The following PRKG1 variants were observed in gnomAD, a reference collection of about 807,000 sequenced individuals.
PRKG1 encodes the protein protein kinase cGMP-dependent 1.
PRKG1 carries 35 observed loss-of-function variants against 88.1 expected under a neutral mutation model. The ratio of observed to expected loss-of-function variants is 0.40; its 90% CI spans 0.30 to 0.53. The LOEUF (loss-of-function observed/expected upper bound fraction) is 0.53. Among genes scored for constraint, PRKG1 ranks in the 20% least tolerant of loss-of-function variants. PRKG1 has a pLI of 0.59. For synonymous variants in PRKG1, 303 were observed against 292.5 expected, an observed-to-expected ratio of 1.04 and a Z score of -0.37; for missense variants, 540 against 839.8, an observed-to-expected ratio of 0.64 and a Z score of 4.41.
chr10:51,389,531 G>A (rs1837343771), intron 2 of PRKG1, among the ~76,000 whole-genome samples: 1 of 152,070 alleles, frequency 6.6e-6, no homozygotes, highest in African/African-American at 2.4e-5. Context: ...CCACTAGGGG[G>A]CATCCTGGGG....
chr10:51,995,885 C>A (rs1844426649), intron 5 of PRKG1, among the ~76,000 whole-genome samples: 1 of 152,096 alleles, frequency 6.6e-6, no homozygotes, highest in Non-Finnish European at 1.5e-5. Context: ...TAGGCGGAAG[C>A]TCCAGGACAT....
At chr10:51,127,958 A>T (rs7915110) in intron 1 of PRKG1, among the ~76,000 whole-genome samples, 65 of 151,988 alleles carry the variant, frequency 4.3e-4, no homozygotes, top group Admixed American at 3.9e-3. Flanking sequence ...AAGCCTGTTC[A>T]GGGGTGGGGG....
At chr10:51,398,343 C>G (rs959240297) in intron 2 of PRKG1, among the ~76,000 whole-genome samples, 3 of 152,144 alleles carry the variant, frequency 2.0e-5, no homozygotes, top group African/African-American at 7.2e-5. Flanking sequence ...CTGTGAGAAT[C>G]TAATGCTGCT....
At chr10:51,013,402 T>C (rs1234900630) in intron 1 of PRKG1, among the ~76,000 whole-genome samples, 1 of 152,180 alleles carries the variant, frequency 6.6e-6, no homozygotes, top group African/African-American at 2.4e-5. Context: ...GTAACACTTA[T>C]TTTTTTGAGA....
chr10:51,840,609 C>T (rs12265600), intron 4 of PRKG1, among the ~76,000 whole-genome samples: 2,722 of 151,782 alleles, frequency 0.018, 77 homozygotes, highest in African/African-American at 0.062. Flanking sequence ...TGCAGTGGCG[C>T]GACCTCAGCT....
chr10:52,227,616 T>C (rs1840420497), intron 9 of PRKG1, among the ~76,000 whole-genome samples: 1 of 152,070 alleles, frequency 6.6e-6, no homozygotes, highest in Non-Finnish European at 1.5e-5. Flanking sequence ...CCACAGGAGA[T>C]CCTGGAACTA....
intron 5 of PRKG1, among the ~76,000 whole-genome samples, chr10:52,003,363 C>G (rs1844648563): frequency 6.7e-6 from 1 of 150,188 alleles, no homozygotes; most frequent in African/African-American, 2.4e-5. Flanking sequence ...ATCTCATTAT[C>G]CTCAAATTCC....
intron 3 of PRKG1, among the ~76,000 whole-genome samples, chr10:51,515,681 C>T (rs1841559560): frequency 6.6e-6 from 1 of 152,158 alleles, no homozygotes; most frequent in African/African-American, 2.4e-5. Flanking sequence ...CCCAATTCTT[C>T]ACACACAATG....
intron 3 of PRKG1, among the ~76,000 whole-genome samples, chr10:51,635,736 A>G (rs914474747): frequency 1.3e-5 from 2 of 152,200 alleles, no homozygotes; most frequent in Non-Finnish European, 2.9e-5. Context: ...ACTCCTGCTC[A>G]TCAACTCAAC....
At chr10:51,223,321 G>T (rs1460510267) in intron 2 of PRKG1, among the ~76,000 whole-genome samples, 1 of 152,076 alleles carries the variant, frequency 6.6e-6, no homozygotes, top group Non-Finnish European at 1.5e-5. Flanking sequence ...CAAGCAATAT[G>T]TGCCAGGCAA....
chr10:51,753,948 T>C (rs1837792238), intron 3 of PRKG1, among the ~76,000 whole-genome samples: 1 of 152,128 alleles, frequency 6.6e-6, no homozygotes, highest in South Asian at 2.1e-4. Flanking sequence ...CGTTTTGTTG[T>C]TGTTCTTTTT....
intron 2 of PRKG1, among the ~76,000 whole-genome samples, chr10:51,435,563 A>T (rs528922377): frequency 1.3e-5 from 2 of 151,626 alleles, no homozygotes; most frequent in Non-Finnish European, 2.9e-5. Context: ...GTTTTGATTT[A>T]TTATACTTGG....
intron 9 of PRKG1, among the ~76,000 whole-genome samples, chr10:52,187,841 T>C (rs941742179): frequency 1.5e-4 from 23 of 152,180 alleles, no homozygotes; most frequent in Non-Finnish European, 2.2e-4. Flanking sequence ...TAAGGTATTG[T>C]CATCTGTACA....
At chr10:51,245,517 C>T (rs1353311056) in intron 2 of PRKG1, 1 of 152,070 alleles carries the variant, frequency 6.6e-6, no homozygotes, top group Non-Finnish European at 1.5e-5. Context: ...GTTGTAAATT[C>T]AGTGTGTCAA....
intron 2 of PRKG1, among the ~76,000 whole-genome samples, chr10:51,172,298 C>T (rs752898110): frequency 3.8e-4 from 58 of 152,032 alleles, no homozygotes; most frequent in Middle Eastern, 3.4e-3. Flanking sequence ...AAACTGTATT[C>T]GGGTTTAACA....
chr10:51,512,341 C>G (rs1841441689), intron 3 of PRKG1, among the ~76,000 whole-genome samples: 1 of 100,344 alleles, frequency 1.0e-5, no homozygotes, highest in Non-Finnish European at 1.9e-5. Context: ...CTATCCCTCC[C>G]CCCTCCCCCC....
At chr10:52,115,653 G>T (rs1382435058) in intron 7 of PRKG1, among the ~76,000 whole-genome samples, 1 of 152,028 alleles carries the variant, frequency 6.6e-6, no homozygotes, top group East Asian at 1.9e-4. Flanking sequence ...CATGTGATTT[G>T]TTGTCACTGT....
chr10:51,001,338 C>T (rs1217174120), intron 1 of PRKG1, among the ~76,000 whole-genome samples: 1 of 152,170 alleles, frequency 6.6e-6, no homozygotes, highest in African/African-American at 2.4e-5. Flanking sequence ...AGAGCCATTC[C>T]ATCATGTGGT....
intron 4 of PRKG1, among the ~76,000 whole-genome samples, chr10:51,804,922 T>C (rs538463755): frequency 1.3e-5 from 2 of 152,226 alleles, no homozygotes; most frequent in African/African-American, 4.8e-5. Context: ...CCAGTTTCCA[T>C]GACGTATGGT....
Sources: gnomAD v4.1 joint callset for allele counts (sites outside exome capture counted in the v4.1 genomes callset) on GRCh38, gnomAD v4.1.1 for gene constraint, MANE v1.5 for transcripts, NCBI Gene and HGNC (gene_info 2026-07-23, HGNC 2026-07-21) for gene names.